The following GIGYF1 variants were observed in gnomAD, a reference collection of about 807,000 sequenced individuals.
The protein encoded by GIGYF1 is GRB10-interacting GYF protein 1.
In GIGYF1, 84 loss-of-function variants were observed where a neutral mutation model predicts 147.1. The observed-to-expected ratio is 0.57, with a 90% CI of 0.48 to 0.68. GIGYF1 has a LOEUF of 0.68. Ranked by LOEUF, GIGYF1 falls within the 30% of genes least tolerant of loss-of-function variation. The pLI, the probability that GIGYF1 is intolerant of heterozygous loss-of-function variation, is 0.00. For synonymous variants in GIGYF1, 752 were observed against 589.5 expected (o/e 1.28, Z -3.99); for missense variants, 1,485 against 1,393.7 (o/e 1.07, Z -1.04).
intron 21 of GIGYF1, 28 bp from the exon 22 acceptor site, chr7:100,683,258 T>C (rs1176337778): frequency 1.9e-6 from 3 of 1,613,212 alleles, no homozygotes; most frequent in Non-Finnish European, 2.5e-6. Context: ...TGAGGGGACC[T>C]GGCGAGGGTT....
Position 100,683,325 on chromosome 7 carries a change from TTCC to T in GIGYF1, c.2169_2171del (p.Glu725del). ...CCACGTGCTTGCGCCGAAACAGCTC[TTCC>T]TCCTCCTGCCGCCGCTTCTGCTCCT... On this transcript the variant is annotated inframe_deletion, in exon 21 of 27. Transcript: ENST00000678049. 4 of 1,613,842 alleles carry T rather than the reference TTCC, an allele frequency of 2.5e-6. No homozygotes were observed. The highest frequency in any genetic ancestry group is 1.6e-4 in the Middle Eastern group (1 of 6,062).
Position 100,683,205 on chromosome 7 carries a change from T to C in GIGYF1, c.2219A>G (p.Lys740Arg), listed in dbSNP as rs761593309. 1 of 1,610,120 alleles carries C rather than the reference T, an allele frequency of 6.2e-7. No homozygotes were observed. Among genetic ancestry groups the C allele is most frequent in the East Asian group, 2.2e-5 (1 of 44,864 alleles). The change falls in exon 22 of 27, where the codon AAG becomes AGG. Residue 740 changes from lysine to arginine, a missense_variant. By Grantham distance (26) the Lys-to-Arg change is conservative. Coordinates refer to ENST00000678049, the MANE Select transcript of GIGYF1 (RefSeq NM_001375765.1). The part of the protein sequence containing the change: ...KHVRQQELLL[K>R]LLQQQQAVPV... ...GACCGCCTGCTGCTGCTGTAGCAAC[T>C]TCAGCAATAGCTCCTGCTGCCGCAC... is the stretch of plus-strand genomic sequence containing the variant.
chr7:100,682,205 A>G lies in GIGYF1; in HGVS notation c.2792T>C (p.Val931Ala). 1 of 1,612,982 alleles carries G rather than the reference A, an allele frequency of 6.2e-7. No individual in the cohort carries two copies. Among genetic ancestry groups the G allele is most frequent in the Non-Finnish European group, 8.5e-7 (1 of 1,179,878 alleles). Reference sequence around the variant, plus strand: ...ATCGTGGACATCATAGGGGGATTCCACCTCCTTGAGGATCGCTACAGCCAT... The same window carrying G: ...ATCGTGGACATCATAGGGGGATTCCGCCTCCTTGAGGATCGCTACAGCCAT... ...VPMAVAILKE[V>A]ESPYDVHDYI... Residue 931 changes from valine (V) to alanine (A), a missense_variant, in exon 25 of 27, where the codon GTG (valine) becomes GCG (alanine). Transcript: ENST00000678049.
rs765645729 is a variant in GIGYF1 at position 100,683,014 on chromosome 7, C to T, written c.2410G>A (p.Val804Met). 9 of 1,524,384 alleles carry T rather than the reference C, an allele frequency of 5.9e-6. No individual in the cohort carries two copies. The highest frequency in any genetic ancestry group is 7.9e-6 in the Non-Finnish European group (9 of 1,139,950). The allele number at this position is 1,524,384 out of a possible 1,614,324, so 94.4% of individuals were successfully genotyped here. A position where few individuals can be genotyped will look rare whatever the true frequency, so the allele number is the denominator to read the frequency against. The change falls in exon 22 of 27, where the codon GTG becomes ATG. Residue 804 changes from valine to methionine, a missense_variant and splice_region_variant. Physicochemically the swap from Val to Met is conservative, Grantham distance 21 (BLOSUM62 1). Transcript: ENST00000678049. ...CGGGAGGTTCCCGGCCTGCTCACCA[C>T]TCGGTGGTTGGGGGCCTGGGCCCGA... ...PARAQAPNHR[V>M]QLGGLGTAPL...
chr7:100,682,944 C>T, intron 22 of GIGYF1, 68 bp downstream of exon 22: 1 of 1,350,748 alleles, frequency 7.4e-7, no homozygotes, highest in Non-Finnish European at 9.8e-7. Context: ...AGTCTGGGTT[C>T]AGTATCCCCC....
Position 100,685,076 on chromosome 7 carries a change from A to G in GIGYF1, c.1263T>C (p.Asp421=). The change falls in exon 14 of 27, where the codon GAT becomes GAC. Residue 421 remains aspartate (D), a synonymous_variant. Transcript: ENST00000678049. ...GCTGCAGGTGCTTCAAGCCTTCATC[A>G]TCCTCCAGATCTCCGGGTGGGCCAG... The part of the protein sequence containing the change: ...SSAGPPGDLE[D]DEGLKHLQQE... 6.3e-7 allele frequency: 1 copy of G among 1,575,276 alleles called. No homozygotes were observed. The highest frequency in any genetic ancestry group is 1.3e-5 in the African/African-American group (1 of 74,184).
Position 100,684,171 on chromosome 7 carries a change from A to T in GIGYF1, c.1731-14T>A, listed in dbSNP as rs758718139. On this transcript the variant is annotated splice_polypyrimidine_tract_variant and intron_variant, in intron 17 of 26. Transcript: ENST00000678049. ...GGGAGCTGGCGGCTGCAAATGGGAC[A>T]GTGGAGATGGTGGGCCACAGAGCCA... 6.2e-7 allele frequency: 1 copy of T among 1,609,236 alleles called. No homozygotes were observed. The highest frequency in any genetic ancestry group is 8.5e-7 in the Non-Finnish European group (1 of 1,179,270).
At chr7:100,693,266 G>A (rs1205406833) in intron 1 of GIGYF1, among the ~76,000 whole-genome samples, 6 of 149,706 alleles carry the variant, frequency 4.0e-5, no homozygotes, top group Non-Finnish European at 5.9e-5. Flanking sequence ...AGAGACGAGG[G>A]GCTTTTAAAA....
chr7:100,681,757 C>T lies in GIGYF1; in HGVS notation c.3070G>A (p.Gly1024Arg), dbSNP rs774118098. 39 of 1,584,412 alleles carry T rather than the reference C, an allele frequency of 2.5e-5. No homozygotes were observed. Among genetic ancestry groups the T allele is most frequent in the South Asian group, 8.1e-5 (7 of 86,280 alleles). The change falls in exon 27 of 27, where the codon GGA becomes AGA. Residue 1024 changes from glycine to arginine, a missense_variant. Gly to Arg is a moderately radical substitution (Grantham distance 125). Transcript: ENST00000678049. ...ACGCTCTCGATCTCACCAGAAGATC[C>T]GTGCAGGGAGTACCCTGAAGCCGGG... is the stretch of plus-strand genomic sequence containing the variant. Reference protein sequence around the residue: ...DPSILGYSLHGSSGEIESVDD... With the variant: ...DPSILGYSLHRSSGEIESVDD...
chr7:100,685,014 G>A (rs1311920114), intron 14 of GIGYF1, 35 bp downstream of exon 14: 1 of 1,554,356 alleles, frequency 6.4e-7, no homozygotes, highest in Middle Eastern at 1.7e-4. Flanking sequence ...GTCAGAAGTG[G>A]GAAGGGTCCC....
rs796388327 is a variant in GIGYF1 at position 100,679,835 on chromosome 7, C to T, written c.*1884G>A. On this transcript the variant is annotated 3_prime_UTR_variant, in exon 27 of 27. Transcript: ENST00000678049. ...CTTCCTCACAGGGTTAAGGCCTCTC[C>T]AGGCTCATGGGCCCCCTAAGTCCAA... The T allele has an allele frequency of 4.6e-5, 7 of 152,654 alleles. No individual in the cohort carries two copies. The highest frequency in any genetic ancestry group is 1.7e-4 in the African/African-American group (7 of 41,516). 9.5% of individuals were successfully genotyped at this position (152,654 alleles called of 1,614,324 possible).
Position 100,683,221 on chromosome 7 carries a change from G to T in GIGYF1, c.2203C>A (p.Gln735Lys). The T allele has an allele frequency of 6.2e-7, 1 of 1,611,588 alleles. No homozygotes were observed. ...TGTAGCAACTTCAGCAATAGCTCCTGCTGCCGCACCTAAGAGGGGGACATG... is the reference window on the plus strand; with the variant it reads ...TGTAGCAACTTCAGCAATAGCTCCTTCTGCCGCACCTAAGAGGGGGACATG... ...ELFRRKHVRQ[Q>K]ELLLKLLQQQ... Residue 735 changes from glutamine to lysine, a missense_variant, in exon 22 of 27, where the codon CAG becomes AAG. Coordinates refer to ENST00000678049, the MANE Select transcript of GIGYF1 (RefSeq NM_001375765.1).
rs1236042859 is a variant in GIGYF1 at position 100,685,112 on chromosome 7, C to T, written c.1227G>A (p.Val409=). 1.9e-6 allele frequency: 3 copies of T among 1,583,376 alleles called. No individual in the cohort carries two copies. Among genetic ancestry groups the T allele is most frequent in the South Asian group, 2.3e-5 (2 of 87,168 alleles). Residue 409 remains valine, a synonymous_variant, in exon 14 of 27, where the codon GTG becomes GTA. Transcript: ENST00000678049. The part of the protein sequence containing the change: ...DIRGIQLSPG[V]GSSAGPPGDL... ...CTCCGGGTGGGCCAGCAGAGGAGCCCACCCCGGGACTCAGCTGGATCCCCC... is the reference window on the plus strand; with the variant it reads ...CTCCGGGTGGGCCAGCAGAGGAGCCTACCCCGGGACTCAGCTGGATCCCCC...
chr7:100,693,980 C>T (rs1265941183), intron 1 of GIGYF1, 130 bp downstream of exon 1: 1 of 149,462 alleles, frequency 6.7e-6, no homozygotes, highest in East Asian at 2.0e-4. Flanking sequence ...AGGGTCCTCG[C>T]TGGCGGCCCG....
rs1236513234 is a variant in GIGYF1 at position 100,686,206 on chromosome 7, C to A, written c.922G>T (p.Ala308Ser). ...TTGAGAGGCAAGAAGGCCCCAGAGG[C>A]ATCAAAGGTGCCCATTTCTTCATCC... Reference protein sequence around the residue: ...DEDEEMGTFDASGAFLPLKKG... With the variant: ...DEDEEMGTFDSSGAFLPLKKG... Residue 308 changes from alanine (A) to serine (S), a missense_variant, in exon 11 of 27, where the codon GCC becomes TCC. Ala to Ser is a moderately conservative substitution (Grantham distance 99). Coordinates refer to ENST00000678049, the MANE Select transcript of GIGYF1 (RefSeq NM_001375765.1). The A allele has an allele frequency of 1.9e-6, 3 of 1,612,962 alleles. No homozygotes were observed. The highest frequency in any genetic ancestry group is 2.5e-6 in the Non-Finnish European group (3 of 1,179,510).
At position 100,685,091 on chromosome 7, in the gene GIGYF1, G is replaced by T; in HGVS notation, c.1248C>A (p.Pro416=). Reference sequence around the variant, plus strand: ...AGCCTTCATCATCCTCCAGATCTCCGGGTGGGCCAGCAGAGGAGCCCACCC... The same window carrying T: ...AGCCTTCATCATCCTCCAGATCTCCTGGTGGGCCAGCAGAGGAGCCCACCC... ...SPGVGSSAGP[P]GDLEDDEGLK... is the part of the protein sequence containing the mutation. Residue 416 remains proline (P), a synonymous_variant, in exon 14 of 27, where the codon CCC becomes CCA. Coordinates refer to ENST00000678049, the MANE Select transcript of GIGYF1 (RefSeq NM_001375765.1). The T allele has an allele frequency of 6.3e-7, 1 of 1,580,554 alleles. No homozygotes were observed. Among genetic ancestry groups the T allele is most frequent in the East Asian group, 2.3e-5 (1 of 43,358 alleles).
At position 100,685,995 on chromosome 7, in the gene GIGYF1, C is replaced by T; in HGVS notation, c.1033G>A (p.Glu345Lys). ...EEEEEPSEGL[E>K]EEGPEAGGKE... Reference sequence around the variant, plus strand: ...TCACCTGCCTCAGGCCCTTCCTCCTCTAGCCCTTCGGAAGGTTCCTCCTCC... The same window carrying T: ...TCACCTGCCTCAGGCCCTTCCTCCTTTAGCCCTTCGGAAGGTTCCTCCTCC... Residue 345 changes from glutamate to lysine, a missense_variant, in exon 12 of 27, where the codon GAG becomes AAG. Physicochemically the swap from Glu to Lys is moderately conservative, Grantham distance 56. Coordinates refer to ENST00000678049, the MANE Select transcript of GIGYF1 (RefSeq NM_001375765.1). The T allele has an allele frequency of 6.2e-7, 1 of 1,612,626 alleles. No individual in the cohort carries two copies. The highest frequency in any genetic ancestry group is 8.5e-7 in the Non-Finnish European group (1 of 1,179,970).
chr7:100,685,998 G>A lies in GIGYF1; in HGVS notation c.1030C>T (p.Leu344=). 6.2e-7 allele frequency: 1 copy of A among 1,612,430 alleles called. No individual in the cohort carries two copies. The highest frequency in any genetic ancestry group is 8.5e-7 in the Non-Finnish European group (1 of 1,179,890). Residue 344 remains leucine, a synonymous_variant, in exon 12 of 27, where the codon CTA becomes TTA. Transcript: ENST00000678049. The part of the protein sequence containing the change: ...LEEEEEPSEG[L]EEEGPEAGGK... Reference sequence around the variant, plus strand: ...CCTGCCTCAGGCCCTTCCTCCTCTAGCCCTTCGGAAGGTTCCTCCTCCTCC... The same window carrying A: ...CCTGCCTCAGGCCCTTCCTCCTCTAACCCTTCGGAAGGTTCCTCCTCCTCC...
chr7:100,685,317 G>A (rs376225509), intron 13 of GIGYF1, 27 bp downstream of exon 13: 19 of 1,571,056 alleles, frequency 1.2e-5, no homozygotes, highest in African/African-American at 8.2e-5. Flanking sequence ...CAGCGCACCC[G>A]GGAGGTAGGC....
Sources: gnomAD v4.1 joint callset for allele counts (sites outside exome capture counted in the v4.1 genomes callset) on GRCh38, gnomAD v4.1.1 for gene constraint, MANE v1.5 for transcripts, NCBI Gene and HGNC (gene_info 2026-07-23, HGNC 2026-07-21) for gene names.